The following HEATR5B variants were observed in gnomAD, a reference collection of about 807,000 sequenced individuals.
HEATR5B encodes HEAT repeat-containing protein 5B.
In HEATR5B, 156 loss-of-function variants were observed where a neutral mutation model predicts 224.1. That is an observed-to-expected ratio of 0.70 (90% CI 0.61 to 0.80). The LOEUF is 0.80. HEATR5B is among the 30% of genes least tolerant of loss of function. HEATR5B has a pLI of 0.00. For missense variants in HEATR5B, 2,323 were observed against 2,535.5 expected (o/e 0.92, Z 1.80); for synonymous variants, 1,027 against 893.0 (o/e 1.15, Z -2.68).
chr2:37,022,547 C>T (rs775671385), intron 24 of HEATR5B, among the ~76,000 whole-genome samples: 12 of 152,136 alleles, frequency 7.9e-5, no homozygotes, highest in African/African-American at 1.4e-4. Flanking sequence ...ACAGACAATA[C>T]GTAGAGAAAT....
chr2:37,025,004 A>G (rs191745626), intron 24 of HEATR5B, among the ~76,000 whole-genome samples: 5 of 152,336 alleles, frequency 3.3e-5, no homozygotes, highest in Admixed American at 2.0e-4. Flanking sequence ...GTGGTGTATT[A>G]TATTTGGGGA....
rs1667360474 is a variant in HEATR5B at position 37,005,598 on chromosome 2, C to A, written c.4905+34G>T. On this transcript the variant is annotated intron_variant, in intron 30 of 35. Coordinates refer to ENST00000233099, the MANE Select transcript of HEATR5B (RefSeq NM_019024.3). The stretch of plus-strand genomic sequence containing the variant: ...TTGTAAAGCAATACTCAAAAAAAAA[C>A]CACACAAGTATCTATCATAGCAATA... The A allele has an allele frequency of 1.9e-6, 3 of 1,589,472 alleles. No individual in the cohort carries two copies. The East Asian group carries it at 6.8e-5, about 36-fold the overall frequency.
intron 17 of HEATR5B, among the ~76,000 whole-genome samples, chr2:37,051,354 C>CAAAAA (rs11313174): frequency 7.6e-5 from 5 of 66,056 alleles, no homozygotes; most frequent in Middle Eastern, 9.8e-3. Flanking sequence ...AACTCCATCT[C>CAAAAA]AAAAAAAAAA....
At chr2:37,034,599 C>A (rs545326315) in intron 21 of HEATR5B, among the ~76,000 whole-genome samples, 3 of 108,522 alleles carry the variant, frequency 2.8e-5, no homozygotes, top group African/African-American at 1.1e-4. Context: ...GGCGACACAG[C>A]GAGACTCTGT....
intron 24 of HEATR5B, among the ~76,000 whole-genome samples, chr2:37,021,473 C>A (rs1415227670): frequency 6.6e-6 from 1 of 152,172 alleles, no homozygotes; most frequent in African/African-American, 2.4e-5. Flanking sequence ...ATGTCAATTA[C>A]CAGCTTATTT....
intron 26 of HEATR5B, among the ~76,000 whole-genome samples, chr2:37,019,069 A>T (rs778710527): frequency 1.9e-4 from 29 of 151,986 alleles, no homozygotes; most frequent in Non-Finnish European, 3.2e-4. Flanking sequence ...GAGGCAGAAG[A>T]ATTGCTTGAA....
intron 5 of HEATR5B, among the ~76,000 whole-genome samples, chr2:37,074,165 C>CA (rs1558379507): frequency 6.6e-6 from 1 of 151,156 alleles, no homozygotes; most frequent in Non-Finnish European, 1.5e-5. Flanking sequence ...ACTAAAAATA[C>CA]AAAAAAAATT....
chr2:37,057,199 A>C (rs1455557685), intron 15 of HEATR5B, 118 bp downstream of exon 15: 1 of 693,956 alleles, frequency 1.4e-6, no homozygotes, highest in East Asian at 3.2e-5. Context: ...TTAAGTGTCT[A>C]AGAACACTAA....
chr2:36,986,908 C>G (rs1211398646), intron 35 of HEATR5B, among the ~76,000 whole-genome samples: 1 of 151,988 alleles, frequency 6.6e-6, no homozygotes, highest in South Asian at 2.1e-4. Context: ...TGAGCCACCG[C>G]GTGCAGCTAA....
intron 23 of HEATR5B, 69 bp downstream of exon 23, chr2:37,028,612 T>C: frequency 8.0e-7 from 1 of 1,243,794 alleles, no homozygotes; most frequent in South Asian, 1.4e-5. Context: ...TCTTTATACA[T>C]ATATCTATAT....
In HEATR5B at chr2:36,981,607, C is replaced by A; in HGVS notation, c.6099G>T (p.Val2033=). ...TVMGAAPELK[V]RLETAVRASQ... The stretch of plus-strand genomic sequence containing the variant: ...TTGCTCGAACGGCAGTTTCTAGACG[C>A]ACTTTCAACTCAGGAGCAGCCCCCA... Residue 2033 remains valine, a synonymous_variant, in exon 36 of 36, where the codon GTG becomes GTT. Transcript: ENST00000233099. 6.2e-7 allele frequency: 1 copy of A among 1,614,154 alleles called. No individual in the cohort carries two copies. The highest frequency in any genetic ancestry group is 8.5e-7 in the Non-Finnish European group (1 of 1,180,032).
chr2:37,041,554 T>A (rs1444260861), intron 18 of HEATR5B, among the ~76,000 whole-genome samples: 1 of 152,120 alleles, frequency 6.6e-6, no homozygotes, highest in Admixed American at 6.6e-5. Context: ...GAGACCAGTC[T>A]GGCTAACATG....
intron 26 of HEATR5B, among the ~76,000 whole-genome samples, chr2:37,017,360 TAC>T (rs34482654): frequency 0.1 from 15,661 of 151,196 alleles, 1,213 homozygotes; most frequent in African/African-American, 0.21. Context: ...GCCACTGCAC[TAC>T]AGCCTGGGCA....
In HEATR5B at chr2:37,065,889, C is replaced by T. The variant is rs1372610340; in HGVS notation, c.1199G>A (p.Ser400Asn). The T allele has an allele frequency of 1.4e-5, 23 of 1,611,940 alleles. No individual in the cohort carries two copies. Among genetic ancestry groups the T allele is most frequent in the Non-Finnish European group, 2.0e-5 (23 of 1,178,378 alleles). ...KAVEAVVNDT[S>N]GENKSGAADI... is the part of the protein sequence containing the mutation. ...TGCTGCGCCAGATTTGTTTTCTCCACTTGTGTCATTCACTACTGCTTCTGG... is the reference window on the plus strand; with the variant it reads ...TGCTGCGCCAGATTTGTTTTCTCCATTTGTGTCATTCACTACTGCTTCTGG... The change falls in exon 9 of 36, where the codon AGT becomes AAT. Residue 400 changes from serine to asparagine, a missense_variant. By Grantham distance (46) the Ser-to-Asn change is conservative (BLOSUM62 1). Coordinates refer to ENST00000233099, the MANE Select transcript of HEATR5B (RefSeq NM_019024.3).
chr2:37,006,635 C>T (rs1414464528), intron 29 of HEATR5B, among the ~76,000 whole-genome samples: 5 of 152,140 alleles, frequency 3.3e-5, no homozygotes, highest in African/African-American at 1.2e-4. Context: ...GAGTGAAACT[C>T]TGTCTCAAAC....
chr2:37,076,758 T>C (rs1672261295), intron 4 of HEATR5B, among the ~76,000 whole-genome samples, 153 bp downstream of exon 4: 1 of 151,916 alleles, frequency 6.6e-6, no homozygotes, highest in South Asian at 2.1e-4. Flanking sequence ...CCCCCTGATA[T>C]ACATTAAAAG....
chr2:36,984,215 A>AAAAATATATAT, intron 35 of HEATR5B, among the ~76,000 whole-genome samples: 1 of 77,642 alleles, frequency 1.3e-5, no homozygotes, highest in African/African-American at 5.9e-5. Context: ...AAAAAAAAAA[A>AAAAATATATAT]ATATATATAT....
intron 14 of HEATR5B, 45 bp downstream of exon 14, chr2:37,058,406 T>A: frequency 8.8e-7 from 1 of 1,131,530 alleles, no homozygotes; most frequent in African/African-American, 1.5e-5. Context: ...CGGTGAAGAA[T>A]TGTAAAGAAA....
intron 26 of HEATR5B, among the ~76,000 whole-genome samples, chr2:37,018,037 C>T (rs1489679556): frequency 6.6e-6 from 1 of 152,056 alleles, no homozygotes; most frequent in Non-Finnish European, 1.5e-5. Flanking sequence ...TTCTAACAAA[C>T]AGGCTGGGAT....
Sources: gnomAD v4.1 joint callset for allele counts (sites outside exome capture counted in the v4.1 genomes callset) on GRCh38, gnomAD v4.1.1 for gene constraint, MANE v1.5 for transcripts, NCBI Gene and HGNC (gene_info 2026-07-23, HGNC 2026-07-21) for gene names.